SLCO1C1: variants seen among roughly 807,000 people sequenced by gnomAD.
The protein encoded by SLCO1C1 is OAT-RP-5.
A neutral mutation model predicts 76.4 loss-of-function variants in SLCO1C1; 70 were observed. The observed-to-expected ratio is 0.92, with a 90% CI of 0.76 to 1.12. The LOEUF (loss-of-function observed/expected upper bound fraction) is 1.12. Ranked by LOEUF, SLCO1C1 falls within the 50% of genes most tolerant of loss-of-function variation. The pLI, the probability that SLCO1C1 is intolerant of heterozygous loss-of-function variation, is 0.00. For synonymous variants in SLCO1C1, 306 were observed against 286.1 expected (o/e 1.07, Z -0.70); for missense variants, 912 against 823.8 (o/e 1.11, Z -1.31).
At chr12:20,717,697 TGCA>T (rs1947450455) in intron 7 of SLCO1C1, among the ~76,000 whole-genome samples, 1 of 116,006 alleles carries the variant, frequency 8.6e-6, no homozygotes, top group Non-Finnish European at 1.8e-5. Flanking sequence ...TTTTTTACTC[TGCA>T]AGTCATTTTT....
intron 5 of SLCO1C1, 50 bp from the exon 6 acceptor site, chr12:20,715,084 TACTTA>T (rs2120702825): frequency 6.2e-7 from 1 of 1,602,428 alleles, no homozygotes. Context: ...GCAGAATAAA[TACTTA>T]ACTTTTAAAG....
At chr12:20,745,138 ATGG>A (rs1450148370) in intron 13 of SLCO1C1, among the ~76,000 whole-genome samples, 1 of 152,194 alleles carries the variant, frequency 6.6e-6, no homozygotes, top group African/African-American at 2.4e-5. Context: ...ATTTTAAAAA[ATGG>A]TTACCTGTAG....
intron 9 of SLCO1C1, among the ~76,000 whole-genome samples, chr12:20,728,719 G>A (rs776884421): frequency 4.7e-4 from 72 of 151,792 alleles, no homozygotes; most frequent in Non-Finnish European, 7.7e-4. Context: ...CCAAGGCATC[G>A]GTTTGGAAAT....
intron 13 of SLCO1C1, among the ~76,000 whole-genome samples, chr12:20,744,931 T>C (rs1948973734): frequency 6.6e-6 from 1 of 152,142 alleles, no homozygotes; most frequent in African/African-American, 2.4e-5. Flanking sequence ...GTAACAGAGC[T>C]GTAAGGATGA....
At chr12:20,699,954 G>C (rs1946444990) in intron 2 of SLCO1C1, 2 of 315,962 alleles carry the variant, frequency 6.3e-6, no homozygotes, top group Non-Finnish European at 5.7e-6. Context: ...GTAGAAACTA[G>C]TATTTATTGA....
chr12:20,724,443 A>ATG (rs1947849088), intron 9 of SLCO1C1, among the ~76,000 whole-genome samples: 4 of 99,424 alleles, frequency 4.0e-5, no homozygotes, highest in African/African-American at 1.2e-4. Context: ...ATATATATAT[A>ATG]TATATATATG....
chr12:20,734,616 C>T (rs139480410), intron 10 of SLCO1C1, among the ~76,000 whole-genome samples: 11 of 152,224 alleles, frequency 7.2e-5, no homozygotes, highest in East Asian at 5.8e-4. Context: ...TGAACACAGG[C>T]GTGACTCAAA....
intron 10 of SLCO1C1, among the ~76,000 whole-genome samples, chr12:20,735,520 T>C (rs561851456): frequency 6.6e-6 from 1 of 152,350 alleles, no homozygotes; most frequent in Non-Finnish European, 1.5e-5. Context: ...TAAAAGGCAG[T>C]TTTATACTTT....
rs529804932 is a variant in SLCO1C1, at chr12:20,753,086, G to A, written c.*558G>A. The A allele has an allele frequency of 5.9e-5, 9 of 152,234 alleles. No individual in the cohort carries two copies. The highest frequency in any genetic ancestry group is 2.9e-5 in the Non-Finnish European group (2 of 68,004). The allele number at this position is 152,234 out of a possible 1,614,324, so 9.4% of individuals were successfully genotyped here. A position where few individuals can be genotyped will look rare whatever the true frequency, so the allele number is the denominator to read the frequency against. The stretch of plus-strand genomic sequence containing the variant: ...AATACAATAATTTATATAGAAATGT[G>A]TAGCAGCAAATTATATTGGGGATTA... On this transcript the variant is annotated 3_prime_UTR_variant, in exon 15 of 15. Transcript: ENST00000266509.
chr12:20,735,293 A>C (rs950028013), intron 10 of SLCO1C1, among the ~76,000 whole-genome samples: 30 of 152,280 alleles, frequency 2.0e-4, no homozygotes, highest in Non-Finnish European at 3.5e-4. Flanking sequence ...TCTGATGTGG[A>C]CATAAGAATT....
In SLCO1C1 at chr12:20,746,144, A is replaced by G. The variant is rs77618692; in HGVS notation, c.1798+2775A>G. ...TAAGCTATCAAAGCCTAAGAAGGCT[A>G]TATCACAAGGGAACAGAACCAATTT... On this transcript the variant is annotated intron_variant, in intron 13 of 14. Coordinates refer to ENST00000266509, the MANE Select transcript of SLCO1C1 (RefSeq NM_017435.5). Among the ~76,000 whole-genome samples, 696 of 152,296 alleles carry G rather than the reference A, an allele frequency of 4.6e-3. 5 individuals carry two copies. Among genetic ancestry groups the G allele is most frequent in the African/African-American group, 0.016 (647 of 41,566 alleles).
intron 13 of SLCO1C1, among the ~76,000 whole-genome samples, chr12:20,746,667 A>G (rs1949058302): frequency 6.6e-6 from 1 of 152,162 alleles, no homozygotes; most frequent in Non-Finnish European, 1.5e-5. Context: ...TACACAGTAC[A>G]TTTGCCTGAA....
intron 3 of SLCO1C1, among the ~76,000 whole-genome samples, chr12:20,702,920 C>T (rs1056828007): frequency 6.6e-6 from 1 of 151,796 alleles, no homozygotes; most frequent in Admixed American, 6.6e-5. Flanking sequence ...TTTGTTTGGG[C>T]TCCCAGGTCC....
chr12:20,721,265 A>T (rs145287384), intron 7 of SLCO1C1, among the ~76,000 whole-genome samples: 3 of 152,332 alleles, frequency 2.0e-5, no homozygotes, highest in South Asian at 2.1e-4. Flanking sequence ...GAAAACTTTC[A>T]TGAAGGAAAG....
intron 10 of SLCO1C1, among the ~76,000 whole-genome samples, chr12:20,734,463 G>A (rs368777048): frequency 1.5e-4 from 23 of 152,160 alleles, no homozygotes; most frequent in African/African-American, 4.8e-4. Context: ...AAATCCTCAC[G>A]GTAGAGGGAC....
chr12:20,700,452 ATTT>A (rs1946468265), intron 2 of SLCO1C1, among the ~76,000 whole-genome samples: 1 of 150,786 alleles, frequency 6.6e-6, no homozygotes, highest in African/African-American at 2.4e-5. Flanking sequence ...TTTTTTAATT[ATTT>A]TTTAATTATT....
At chr12:20,729,646 A>G (rs1948179769) in intron 9 of SLCO1C1, among the ~76,000 whole-genome samples, 1 of 151,786 alleles carries the variant, frequency 6.6e-6, no homozygotes, top group Non-Finnish European at 1.5e-5. Context: ...GGAACCTGTG[A>G]GAAGGAACTC....
intron 3 of SLCO1C1, among the ~76,000 whole-genome samples, chr12:20,704,823 T>C (rs1946698316): frequency 6.6e-6 from 1 of 151,928 alleles, no homozygotes; most frequent in Non-Finnish European, 1.5e-5. Context: ...TGCTGGGAAA[T>C]TGTTAAGATC....
At chr12:20,701,260 G>T (rs906047441) in intron 2 of SLCO1C1, 58 bp from the exon 3 acceptor site, 1 of 1,389,488 alleles carries the variant, frequency 7.2e-7, no homozygotes, top group Non-Finnish European at 9.5e-7. Flanking sequence ...TATTTACTTA[G>T]TTTCCAATTG....
Sources: allele counts gnomAD v4.1 joint callset (sites outside exome capture counted in the v4.1 genomes callset), GRCh38; gene constraint gnomAD v4.1.1; transcripts MANE v1.5; gene names NCBI Gene and HGNC (gene_info 2026-07-23, HGNC 2026-07-21).